Variants in GALNTL6 observed in about 807,000 individuals in gnomAD.
The protein encoded by GALNTL6 is polypeptide N-acetylgalactosaminyltransferase like 6.
Under a neutral mutation model 73.7 loss-of-function variants are expected in GALNTL6, and 46 were observed. That is an observed-to-expected ratio of 0.62 (90% CI 0.49 to 0.80). The LOEUF is 0.80. Ranked by LOEUF, GALNTL6 falls within the 30% of genes least tolerant of loss-of-function variation. The pLI is 0.00. For missense variants in GALNTL6, 604 were observed against 755.0 expected, an observed-to-expected ratio of 0.80 and a Z score of 2.34; for synonymous variants, 259 against 263.7, an observed-to-expected ratio of 0.98 and a Z score of 0.17.
chr4:173,008,766 C>T (rs996583742), intron 10 of GALNTL6, among the ~76,000 whole-genome samples: 2 of 152,192 alleles, frequency 1.3e-5, no homozygotes, highest in Admixed American at 1.3e-4. Context: ...AAACTGGCTG[C>T]AGTCAGCTGT....
chr4:172,751,549 G>A (rs965959252), intron 5 of GALNTL6, among the ~76,000 whole-genome samples: 2 of 152,182 alleles, frequency 1.3e-5, no homozygotes, highest in African/African-American at 2.4e-5. Flanking sequence ...TATCTGAATT[G>A]CAAAGAAAGG....
At chr4:172,831,302 A>G (rs1162570408) in intron 7 of GALNTL6, among the ~76,000 whole-genome samples, 1 of 152,064 alleles carries the variant, frequency 6.6e-6, no homozygotes, top group Non-Finnish European at 1.5e-5. Flanking sequence ...ACCCAAGCAC[A>G]GTAATAGATG....
At chr4:172,927,548 G>T (rs929953714) in intron 8 of GALNTL6, among the ~76,000 whole-genome samples, 4 of 152,030 alleles carry the variant, frequency 2.6e-5, no homozygotes, top group Non-Finnish European at 5.9e-5. Flanking sequence ...AAGGCACAGA[G>T]GAGATAGTTT....
intron 2 of GALNTL6, among the ~76,000 whole-genome samples, chr4:171,891,646 G>T (rs1736766717): frequency 6.6e-6 from 1 of 152,136 alleles, no homozygotes; most frequent in Non-Finnish European, 1.5e-5. Context: ...ATTTTGTGCT[G>T]TAGTGAGTAT....
chr4:172,638,963 T>C (rs1242192876), intron 5 of GALNTL6, among the ~76,000 whole-genome samples: 3 of 152,086 alleles, frequency 2.0e-5, no homozygotes, highest in African/African-American at 7.2e-5. Context: ...AGTTGTGCAT[T>C]TTTCAAAATA....
chr4:172,837,990 G>T (rs1330981562), intron 7 of GALNTL6, among the ~76,000 whole-genome samples: 1 of 152,158 alleles, frequency 6.6e-6, no homozygotes, highest in Non-Finnish European at 1.5e-5. Flanking sequence ...CAGTGCAACT[G>T]TTTTTTATTA....
At chr4:172,251,574 A>G (rs558102464) in intron 3 of GALNTL6, among the ~76,000 whole-genome samples, 2 of 152,252 alleles carry the variant, frequency 1.3e-5, no homozygotes, top group East Asian at 3.9e-4. Context: ...CTGAGAGATC[A>G]CTAGCCTTTA....
rs70941382 is a variant in GALNTL6, at chr4:172,095,007, C to CAA, written c.139-134637_139-134636dup. The stretch of plus-strand genomic sequence containing the variant: ...CACTTCTCCCACCCTTTTATGTTTT[C>CAA]AAAAAAAAAAAAATCACATGGGAAG... On this transcript the variant is annotated intron_variant, in intron 2 of 12. Coordinates refer to ENST00000506823, the MANE Select transcript of GALNTL6 (RefSeq NM_001034845.3). Among the ~76,000 whole-genome samples the CAA allele has an allele frequency of 4.7e-3, 613 of 129,874 alleles. 3 individuals carry two copies. Among genetic ancestry groups the CAA allele is most frequent in the African/African-American group, 0.015 (553 of 35,822 alleles). The allele number at this position is 129,874 out of a possible 152,430, so 85.2% of individuals were successfully genotyped here. A position where few individuals can be genotyped will look rare whatever the true frequency, so the allele number is the denominator to read the frequency against.
intron 8 of GALNTL6, among the ~76,000 whole-genome samples, chr4:172,883,679 A>G (rs1383751010): frequency 6.6e-6 from 1 of 152,130 alleles, no homozygotes; most frequent in Non-Finnish European, 1.5e-5. Context: ...GGAGGTGACA[A>G]ACAACCAAAT....
intron 2 of GALNTL6, among the ~76,000 whole-genome samples, chr4:171,971,724 A>G (rs1466571537): frequency 2.0e-5 from 3 of 152,214 alleles, no homozygotes; most frequent in African/African-American, 7.2e-5. Flanking sequence ...CTATATTTGA[A>G]TATTATAAAA....
intron 12 of GALNTL6, among the ~76,000 whole-genome samples, chr4:173,024,572 C>A (rs1483596377): frequency 1.3e-5 from 2 of 151,948 alleles, no homozygotes; most frequent in African/African-American, 2.4e-5. Context: ...GGGCTTCTGG[C>A]AGTTTTAGAT....
At chr4:172,852,504 A>G (rs1743884450) in intron 7 of GALNTL6, among the ~76,000 whole-genome samples, 2 of 152,168 alleles carry the variant, frequency 1.3e-5, no homozygotes, top group Non-Finnish European at 2.9e-5. Flanking sequence ...GCCACCTTCC[A>G]GCAATAACTC....
At chr4:172,023,970 T>G (rs1741478034) in intron 2 of GALNTL6, among the ~76,000 whole-genome samples, 1 of 151,836 alleles carries the variant, frequency 6.6e-6, no homozygotes, top group Non-Finnish European at 1.5e-5. Flanking sequence ...ATTTTAGACT[T>G]TTACTGGTCT....
intron 5 of GALNTL6, among the ~76,000 whole-genome samples, chr4:172,585,411 T>A (rs1285488538): frequency 2.0e-5 from 3 of 152,140 alleles, no homozygotes; most frequent in African/African-American, 7.2e-5. Context: ...CCCCTTGCCC[T>A]CCACCTCCTG....
At chr4:172,888,589 G>A (rs868386219) in intron 8 of GALNTL6, among the ~76,000 whole-genome samples, 4 of 152,076 alleles carry the variant, frequency 2.6e-5, no homozygotes, top group African/African-American at 4.8e-5. Context: ...TTATTTCTGG[G>A]TTCTCCAGTC....
At chr4:173,014,990 A>T (rs548654152) in intron 11 of GALNTL6, among the ~76,000 whole-genome samples, 83 of 152,300 alleles carry the variant, frequency 5.4e-4, no homozygotes, top group African/African-American at 1.8e-3. Context: ...AGTTACCTTC[A>T]TGCTGTTTTC....
chr4:172,850,248 T>C (rs1327659454), intron 7 of GALNTL6, among the ~76,000 whole-genome samples: 1 of 152,108 alleles, frequency 6.6e-6, no homozygotes, highest in Non-Finnish European at 1.5e-5. Flanking sequence ...CTTTCAGTAT[T>C]ATCTTCAAGA....
At chr4:172,059,319 C>A (rs1370112929) in intron 2 of GALNTL6, among the ~76,000 whole-genome samples, 2 of 152,104 alleles carry the variant, frequency 1.3e-5, no homozygotes, top group African/African-American at 2.4e-5. Flanking sequence ...GGGGTGAGGT[C>A]CCAGATTTTC....
At chr4:172,244,522 T>C (rs1398468899) in intron 3 of GALNTL6, among the ~76,000 whole-genome samples, 1 of 152,184 alleles carries the variant, frequency 6.6e-6, no homozygotes, top group Admixed American at 6.5e-5. Flanking sequence ...ATGCATAAGA[T>C]TATTTTTCCC....
Sources: gnomAD v4.1 joint callset for allele counts (sites outside exome capture counted in the v4.1 genomes callset) on GRCh38, gnomAD v4.1.1 for gene constraint, MANE v1.5 for transcripts, NCBI Gene and HGNC (gene_info 2026-07-23, HGNC 2026-07-21) for gene names.